ATRX: variants seen among roughly 807,000 people sequenced by gnomAD.
ATRX encodes chromatin remodeler ATRX.
Under a neutral mutation model 172.6 loss-of-function variants are expected in ATRX, and 12 were observed. The ratio of observed to expected loss-of-function variants is 0.07; its 90% CI spans 0.04 to 0.11. ATRX has a LOEUF of 0.11. Ranked by LOEUF, ATRX falls within the 10% of genes least tolerant of loss-of-function variation. The pLI, the probability that ATRX is intolerant of heterozygous loss-of-function variation, is 1.00. For missense variants in ATRX, 1,368 were observed against 1,767.4 expected (o/e 0.77, Z 4.05); for synonymous variants, 674 against 594.7 (o/e 1.13, Z -1.94).
intron 1 of ATRX, among the ~76,000 whole-genome samples, chrX:77,742,046 T>C (rs930792521): frequency 9.0e-6 from 1 of 111,186 alleles, no homozygotes; most frequent in Admixed American, 9.6e-5. Flanking sequence ...TAGAGTTTTG[T>C]TGGGGATGAT....
chrX:77,566,258 G>T lies in ATRX; in HGVS notation c.6327-7412C>A, dbSNP rs1418488664. Among the ~76,000 whole-genome samples, 9 of 111,490 alleles carry T rather than the reference G, an allele frequency of 8.1e-5. No homozygotes were observed. In the East Asian group the frequency reaches 2.5e-3, roughly 31 times the overall value. On this transcript the variant is annotated intron_variant, in intron 28 of 34. Coordinates refer to ENST00000373344, the MANE Select transcript of ATRX (RefSeq NM_000489.6). ...ACGTAGAAAAATAATCTTGAAAGAA[G>T]AGAGAAACGACACCTTATCTAAGGG... is the stretch of plus-strand genomic sequence containing the variant.
chrX:77,643,978 C>T (rs1557112372), intron 15 of ATRX, among the ~76,000 whole-genome samples: 1 of 110,330 alleles, frequency 9.1e-6, no homozygotes, highest in African/African-American at 3.3e-5. Context: ...CTTGCTCTGT[C>T]GCCCAGGCTG....
intron 1 of ATRX, among the ~76,000 whole-genome samples, chrX:77,727,643 G>A: frequency 9.4e-6 from 1 of 106,241 alleles, no homozygotes; most frequent in South Asian, 4.5e-4. Flanking sequence ...AGAACATATG[G>A]GCACAAGGAG....
chrX:77,744,818 T>C (rs2075000279), intron 1 of ATRX, among the ~76,000 whole-genome samples: 1 of 110,368 alleles, frequency 9.1e-6, no homozygotes, highest in Non-Finnish European at 1.9e-5. Flanking sequence ...TGAAACCCCA[T>C]CTCTACGAAC....
At chrX:77,680,739 TACTG>T (rs1444661729) in intron 9 of ATRX, among the ~76,000 whole-genome samples, 5 of 111,267 alleles carry the variant, frequency 4.5e-5, no homozygotes, top group African/African-American at 1.6e-4. Flanking sequence ...TGACAGGTCT[TACTG>T]ACTAAAAAAA....
intron 1 of ATRX, among the ~76,000 whole-genome samples, chrX:77,780,049 T>C (rs919057832): frequency 8.9e-6 from 1 of 111,911 alleles, no homozygotes; most frequent in Non-Finnish European, 1.9e-5. Context: ...GATATAGCAA[T>C]CTTTCAAAAT....
chrX:77,629,968 G>A (rs563154744), intron 19 of ATRX, among the ~76,000 whole-genome samples: 7 of 112,145 alleles, frequency 6.2e-5, no homozygotes, highest in African/African-American at 1.9e-4. Context: ...GCGTGCGTGC[G>A]CGCGCACACA....
At chrX:77,626,905 C>T (rs2067879664) in intron 19 of ATRX, among the ~76,000 whole-genome samples, 2 of 111,814 alleles carry the variant, frequency 1.8e-5, no homozygotes, top group Non-Finnish European at 3.8e-5. Context: ...ATGGTTAGTA[C>T]GGATATCTGA....
At chrX:77,634,303 G>T in intron 17 of ATRX, 2 of 157,086 alleles carry the variant, frequency 1.3e-5, no homozygotes, top group Non-Finnish European at 2.3e-5. Context: ...GGCCATACCT[G>T]AAACCCCACA....
chrX:77,693,996 G>A, intron 5 of ATRX, 59 bp from the exon 6 acceptor site: 1 of 921,402 alleles, frequency 1.1e-6, no homozygotes, highest in Non-Finnish European at 1.6e-6. Context: ...TGAAGTACAA[G>A]ACTTCAGTTC....
intron 12 of ATRX, among the ~76,000 whole-genome samples, chrX:77,662,626 T>C (rs1398322562): frequency 8.9e-6 from 1 of 112,374 alleles, no homozygotes; most frequent in African/African-American, 3.2e-5. Flanking sequence ...AGTATACTTG[T>C]TGCCAGTGTA....
intron 7 of ATRX, among the ~76,000 whole-genome samples, 168 bp downstream of exon 7, chrX:77,688,650 C>T (rs1557145312): frequency 8.9e-6 from 1 of 111,774 alleles, no homozygotes; most frequent in Non-Finnish European, 1.9e-5. Context: ...ACAGTATCTC[C>T]CCTATCATGA....
At chrX:77,661,563 AAAG>A (rs2069908307) in intron 12 of ATRX, among the ~76,000 whole-genome samples, 1 of 110,836 alleles carries the variant, frequency 9.0e-6, no homozygotes. Context: ...CCCAGTTGGC[AAAG>A]AAGAGTTCAT....
chrX:77,524,889 G>A (rs781863215), intron 30 of ATRX, among the ~76,000 whole-genome samples: 3 of 109,368 alleles, frequency 2.7e-5, no homozygotes, highest in Non-Finnish European at 5.7e-5. Flanking sequence ...AGGACTACAG[G>A]TGCATACCAC....
At chrX:77,513,316 CAAAAAAAAAAAAAAA>C (rs1217104194) in intron 34 of ATRX, among the ~76,000 whole-genome samples, 1 of 25,664 alleles carries the variant, frequency 3.9e-5, no homozygotes, top group South Asian at 3.6e-3. Flanking sequence ...GACTCCGTCT[CAAAAAAAAAAAAAAA>C]AAAAAAAAAA....
chrX:77,687,059 C>A (rs2071609821), intron 7 of ATRX, among the ~76,000 whole-genome samples: 1 of 101,643 alleles, frequency 9.8e-6, no homozygotes, highest in Admixed American at 1.2e-4. Context: ...GAGGCTGAGG[C>A]AGGAGAATCA....
intron 25 of ATRX, chrX:77,596,992 T>C (rs945917636): frequency 1.8e-5 from 2 of 110,934 alleles, no homozygotes; most frequent in African/African-American, 6.5e-5. Flanking sequence ...CATGTAAACT[T>C]TATATATTTT....
At chrX:77,508,669 T>C (rs782420780) in intron 34 of ATRX, 40 bp from the exon 35 acceptor site, 34 of 1,199,855 alleles carry the variant, frequency 2.8e-5, no homozygotes, top group Non-Finnish European at 9.0e-6. Context: ...GTGCATGACC[T>C]GTCTCAAAAG....
In ATRX at chrX:77,506,811, T is replaced by C; in HGVS notation, c.*1540A>G. On this transcript the variant is annotated 3_prime_UTR_variant, in exon 35 of 35. Coordinates refer to ENST00000373344, the MANE Select transcript of ATRX (RefSeq NM_000489.6). The stretch of plus-strand genomic sequence containing the variant: ...CAAGATAAAAATGGCAATCTCTTAA[T>C]CATCCAAACAACTCAAAGCAGTTTT... 6.0e-6 allele frequency: 1 copy of C among 165,938 alleles called. No homozygotes were observed. The highest frequency in any genetic ancestry group is 1.2e-5 in the Non-Finnish European group (1 of 86,809). The allele number at this position is 165,938 out of a possible 1,213,427, so 13.7% of individuals were successfully genotyped here. A position where few individuals can be genotyped will look rare whatever the true frequency, so the allele number is the denominator to read the frequency against.
Sources: gnomAD v4.1 joint callset for allele counts (sites outside exome capture counted in the v4.1 genomes callset) on GRCh38, gnomAD v4.1.1 for gene constraint, MANE v1.5 for transcripts, NCBI Gene and HGNC (gene_info 2026-07-23, HGNC 2026-07-21) for gene names.